Variants in SHROOM4 observed in about 807,000 individuals in gnomAD.
SHROOM4 encodes shroom family member 4, also known as protein Shroom4.
In SHROOM4, 17 loss-of-function variants were observed where a neutral mutation model predicts 80.3. The ratio of observed to expected loss-of-function variants is 0.21; its 90% CI spans 0.14 to 0.32. SHROOM4 has a LOEUF of 0.32. Among genes scored for constraint, SHROOM4 ranks in the 10% least tolerant of loss-of-function variants. SHROOM4 has a pLI of 1.00. For missense variants in SHROOM4, 993 were observed against 1,140.3 expected, an observed-to-expected ratio of 0.87 and a Z score of 1.86; for synonymous variants, 400 against 437.5, an observed-to-expected ratio of 0.91 and a Z score of 1.07.
intron 1 of SHROOM4, among the ~76,000 whole-genome samples, chrX:50,706,253 C>A (rs1301328127): frequency 8.9e-6 from 1 of 111,876 alleles, no homozygotes; most frequent in Non-Finnish European, 1.9e-5. Context: ...CACATCTCAT[C>A]ACTCTCTATC....
At position 50,702,528 on chromosome X, in the gene SHROOM4, T is replaced by C. The variant is rs894824367; in HGVS notation, c.118-6591A>G. Among the ~76,000 whole-genome samples, 5 of 111,995 alleles carry C rather than the reference T, an allele frequency of 4.5e-5. 1 individual carries two copies. The highest frequency in any genetic ancestry group is 9.5e-5 in the Admixed American group (1 of 10,552). On this transcript the variant is annotated intron_variant, in intron 1 of 8. Transcript: ENST00000376020. ...AAAATGAATGTCTAAAAGATTATGT[T>C]GCATGAAAGAGACCAGACAAAAACA...
intron 8 of SHROOM4, among the ~76,000 whole-genome samples, chrX:50,597,441 C>T (rs1929166114): frequency 1.8e-5 from 2 of 111,616 alleles, no homozygotes; most frequent in Middle Eastern, 4.7e-3. Context: ...TCCAAAGCCA[C>T]CTGTATAGGG....
At chrX:50,735,782 C>T (rs1037922189) in intron 1 of SHROOM4, among the ~76,000 whole-genome samples, 7 of 111,052 alleles carry the variant, frequency 6.3e-5, no homozygotes, top group African/African-American at 1.3e-4. Context: ...CTGAGGTGGG[C>T]GGATCACGAG....
At chrX:50,581,527 G>A in the SHROOM4 span, among the ~76,000 whole-genome samples, 1 of 111,544 alleles carries the variant, frequency 9.0e-6, no homozygotes, top group African/African-American at 3.3e-5. Context: ...AAGAGTTGCA[G>A]CTGCAGCCCT....
chrX:50,626,179 C>A (rs1284748476), intron 5 of SHROOM4, among the ~76,000 whole-genome samples: 2 of 111,498 alleles, frequency 1.8e-5, no homozygotes, highest in African/African-American at 6.5e-5. Context: ...GACTCCAAGG[C>A]CAGAACTTAA....
intron 1 of SHROOM4, among the ~76,000 whole-genome samples, chrX:50,774,018 G>C (rs782469218): frequency 1.8e-5 from 2 of 111,861 alleles, no homozygotes; most frequent in African/African-American, 6.5e-5. Flanking sequence ...CCTTTTCCCT[G>C]AGGCAATGTC....
intron 2 of SHROOM4, among the ~76,000 whole-genome samples, chrX:50,667,650 T>C (rs997718745): frequency 9.0e-6 from 1 of 111,677 alleles, no homozygotes; most frequent in African/African-American, 3.3e-5. Flanking sequence ...ATCTAGAACA[T>C]GAAAAGAAAT....
In SHROOM4 at chrX:50,701,002, C is replaced by T. The variant is rs188744151; in HGVS notation, c.118-5065G>A. ...AGGAGCTGCCCCAGAGTATAAAGCT[C>T]TGTGAATCAGGCCCAAGGGCTCCCC... On this transcript the variant is annotated intron_variant, in intron 1 of 8. Transcript: ENST00000376020. Among the ~76,000 whole-genome samples, 28 of 111,655 alleles carry T rather than the reference C, an allele frequency of 2.5e-4. No homozygotes were observed. The Admixed American group carries it at 2.6e-3, about 10-fold the overall frequency.
the SHROOM4 span, among the ~76,000 whole-genome samples, chrX:50,576,192 A>C: frequency 8.9e-6 from 1 of 112,000 alleles, no homozygotes; most frequent in Non-Finnish European, 1.9e-5. Context: ...TTCTCTGGTC[A>C]CTTATCATTA....
intron 1 of SHROOM4, among the ~76,000 whole-genome samples, chrX:50,764,357 T>C (rs1935224585): frequency 9.2e-6 from 1 of 108,846 alleles, no homozygotes; most frequent in Non-Finnish European, 1.9e-5. Context: ...ATAGAGCTTC[T>C]AAAACATGAA....
chrX:50,771,584 C>A (rs1935394827), intron 1 of SHROOM4, among the ~76,000 whole-genome samples: 1 of 111,956 alleles, frequency 8.9e-6, no homozygotes. Context: ...ACGCCTCCTG[C>A]AATAACAGTT....
intron 1 of SHROOM4, among the ~76,000 whole-genome samples, chrX:50,762,921 A>G (rs782486211): frequency 3.7e-4 from 41 of 111,598 alleles, no homozygotes; most frequent in Non-Finnish European, 6.8e-4. Context: ...AGGATTTTCC[A>G]TATGTAGATT....
chrX:50,776,731 C>T (rs1409745953), intron 1 of SHROOM4, among the ~76,000 whole-genome samples: 2 of 109,385 alleles, frequency 1.8e-5, no homozygotes, highest in Non-Finnish European at 3.8e-5. Context: ...CTCTGTCACC[C>T]AGACTGGAGT....
At chrX:50,755,356 C>T (rs1353941986) in intron 1 of SHROOM4, among the ~76,000 whole-genome samples, 1 of 111,959 alleles carries the variant, frequency 8.9e-6, no homozygotes, top group Non-Finnish European at 1.9e-5. Flanking sequence ...CCGCAAGACA[C>T]ATGGACAACT....
rs1332507015 is a variant in SHROOM4 at position 50,716,146 on chromosome X, T to C, written c.118-20209A>G. ...CTGATTTCACTCATGTGAGAGCTTA[T>C]TAGAACTATTAGAATCAAAGGGTAG... On this transcript the variant is annotated intron_variant, in intron 1 of 8. Coordinates refer to ENST00000376020, the MANE Select transcript of SHROOM4 (RefSeq NM_020717.5). 3.9e-5 allele frequency among the ~76,000 whole-genome samples: 4 copies of C among 103,029 alleles called. No individual in the cohort carries two copies. In the South Asian group the frequency reaches 1.4e-3, roughly 36 times the overall value. 89.5% of individuals were successfully genotyped at this position (103,029 alleles called of 115,157 possible). A position where few individuals can be genotyped will look rare whatever the true frequency, so the allele number is the denominator to read the frequency against.
At chrX:50,636,027 T>A (rs1931341617) in intron 3 of SHROOM4, among the ~76,000 whole-genome samples, 1 of 111,346 alleles carries the variant, frequency 9.0e-6, no homozygotes. Context: ...AAAGAGACAA[T>A]CACAGAATAT....
chrX:50,579,827 T>C, the SHROOM4 span, among the ~76,000 whole-genome samples: 1 of 111,391 alleles, frequency 9.0e-6, no homozygotes, highest in African/African-American at 3.3e-5. Context: ...ATTACAAGGA[T>C]AAAAAGCATA....
intron 1 of SHROOM4, among the ~76,000 whole-genome samples, chrX:50,720,717 T>C (rs2147515128): frequency 9.0e-6 from 1 of 111,390 alleles, no homozygotes; most frequent in Admixed American, 9.5e-5. Flanking sequence ...AACCCCTCCC[T>C]AGCAAGCCTA....
At chrX:50,723,820 C>G (rs896194838) in intron 1 of SHROOM4, among the ~76,000 whole-genome samples, 1 of 111,445 alleles carries the variant, frequency 9.0e-6, no homozygotes, top group African/African-American at 3.3e-5. Context: ...GCTTCTAAAC[C>G]TCTTAAAACT....
Sources: gnomAD v4.1 joint callset for allele counts (sites outside exome capture counted in the v4.1 genomes callset) on GRCh38, gnomAD v4.1.1 for gene constraint, MANE v1.5 for transcripts, NCBI Gene and HGNC (gene_info 2026-07-23, HGNC 2026-07-21) for gene names.